TSPOAP1: variants seen among roughly 807,000 people sequenced by gnomAD.
The protein encoded by TSPOAP1 is TSPO associated protein 1.
Under a neutral mutation model 197.0 loss-of-function variants are expected in TSPOAP1, and 87 were observed. The ratio of observed to expected loss-of-function variants is 0.44; its 90% CI spans 0.37 to 0.53. The LOEUF (loss-of-function observed/expected upper bound fraction) is 0.53. Ranked by LOEUF, TSPOAP1 falls within the 20% of genes least tolerant of loss-of-function variation. The probability of loss-of-function intolerance (pLI) is 0.00; values close to 1 mark genes in which losing one functional copy is unlikely to be tolerated. For synonymous variants in TSPOAP1, 913 were observed against 998.9 expected (o/e 0.91, Z 1.62); for missense variants, 2,174 against 2,411.3 (o/e 0.90, Z 2.06).
At chr17:58,306,757 G>T in intron 25 of TSPOAP1, 43 bp downstream of exon 25, 1 of 1,580,882 alleles carries the variant, frequency 6.3e-7, no homozygotes, top group Non-Finnish European at 8.6e-7. Flanking sequence ...GGAGTTGGAA[G>T]GGGGCTGGTG....
Position 58,327,864 on chromosome 17 carries a change from C to A in TSPOAP1, c.57G>T (p.Trp19Cys), listed in dbSNP as rs373348471. The change falls in exon 1 of 32, where the codon TGG becomes TGT. Residue 19 changes from tryptophan to cysteine, a missense_variant. Trp to Cys is a radical substitution (Grantham distance 215). Transcript: ENST00000343736. Reference protein sequence around the residue: ...RPGDPGAMEPWALPTWHSWTP... With the variant: ...RPGDPGAMEPCALPTWHSWTP... ...TCCAGCTATGCCAGGTGGGCAGTGC[C>A]CATGGCTCCATGGCTCCAGGGTCCC... The A allele has an allele frequency of 1.2e-6, 2 of 1,611,332 alleles. No homozygotes were observed. The highest frequency in any genetic ancestry group is 1.7e-5 in the Admixed American group (1 of 59,974).
At chr17:58,313,788 T>C (rs1440321895) in intron 16 of TSPOAP1, among the ~76,000 whole-genome samples, 1 of 151,968 alleles carries the variant, frequency 6.6e-6, no homozygotes, top group Non-Finnish European at 1.5e-5. Flanking sequence ...GCTAGTGAAA[T>C]AGTCACTTGT....
chr17:58,314,133 G>C (rs1042228240), intron 16 of TSPOAP1, among the ~76,000 whole-genome samples: 2 of 152,082 alleles, frequency 1.3e-5, no homozygotes, highest in South Asian at 2.1e-4. Context: ...TGAGCTGCAG[G>C]GGGGCCTGGA....
Position 58,327,742 on chromosome 17 carries a change from C to G in TSPOAP1, c.179G>C (p.Ser60Thr), listed in dbSNP as rs146385838. 6.2e-7 allele frequency: 1 copy of G among 1,614,124 alleles called. No individual in the cohort carries two copies. Among genetic ancestry groups the G allele is most frequent in the African/African-American group, 1.3e-5 (1 of 74,952 alleles). Residue 60 changes from serine (S) to threonine (T), a missense_variant, in exon 1 of 32, where the codon AGT becomes ACT. By Grantham distance (58) the Ser-to-Thr change is moderately conservative. Around this residue, in one of 5 missense-constraint regions of TSPOAP1, gnomAD observed 1,933 missense variants for 2,139.0 expected, o/e 0.90. Transcript: ENST00000343736. ...LQLQELRSEE[S>T]SKPKGDGSSR... Reference sequence around the variant, plus strand: ...GCTCCCGTCTCCTTTGGGCTTGGAACTCTCCTCAGACCTCAGTTCTTGAAG... The same window carrying G: ...GCTCCCGTCTCCTTTGGGCTTGGAAGTCTCCTCAGACCTCAGTTCTTGAAG...
rs770307821 is a variant in TSPOAP1 at position 58,316,411 on chromosome 17, G to A, written c.1988+14C>T. The A allele has an allele frequency of 3.1e-6, 5 of 1,602,958 alleles. No individual in the cohort carries two copies. Among genetic ancestry groups the A allele is most frequent in the Admixed American group, 3.4e-5 (2 of 59,032 alleles). Reference sequence around the variant, plus strand: ...TGGGGCTGGGCTAGGGGGCAGTGAGGGTGAGGGACCCACCTATAACGTGCT... The same window carrying A: ...TGGGGCTGGGCTAGGGGGCAGTGAGAGTGAGGGACCCACCTATAACGTGCT... On this transcript the variant is annotated intron_variant, in intron 15 of 31. Transcript: ENST00000343736.
chr17:58,322,289 T>C lies in TSPOAP1; in HGVS notation c.1422+19A>G. On this transcript the variant is annotated intron_variant, in intron 10 of 31. Transcript: ENST00000343736. This position sits in a 1 kb window ranked among gnomAD's most constrained non-coding sequence, Gnocchi z 5.0. ...GCTGGTGTCCAGCAGCCTGCCAGCTTCCCTCACTGCCGCCCCACCTGCTGC... is the reference window on the plus strand; with the variant it reads ...GCTGGTGTCCAGCAGCCTGCCAGCTCCCCTCACTGCCGCCCCACCTGCTGC... The C allele has an allele frequency of 6.3e-7, 1 of 1,598,768 alleles. No homozygotes were observed. Among genetic ancestry groups the C allele is most frequent in the East Asian group, 2.2e-5 (1 of 44,852 alleles).
intron 14 of TSPOAP1, 133 bp downstream of exon 14, chr17:58,318,147 C>T: frequency 2.7e-6 from 3 of 1,121,456 alleles, no homozygotes; most frequent in Non-Finnish European, 3.8e-6. Flanking sequence ...AATCCACAGG[C>T]CTCCCACCTC....
At chr17:58,325,090 T>A in intron 4 of TSPOAP1, 88 bp from the exon 5 acceptor site, 1 of 1,223,346 alleles carries the variant, frequency 8.2e-7, no homozygotes, top group Non-Finnish European at 1.1e-6. Context: ...TTCGCCTTGC[T>A]GGAGGGGCTC....
Position 58,311,056 on chromosome 17 carries a change from G to C in TSPOAP1, c.3239C>G (p.Pro1080Arg). The C allele has an allele frequency of 1.2e-5, 19 of 1,580,444 alleles. No individual in the cohort carries two copies. The highest frequency in any genetic ancestry group is 1.6e-5 in the Non-Finnish European group (19 of 1,163,442). Residue 1080 changes from proline to arginine, a missense_variant, in exon 19 of 32, where the codon CCG becomes CGG. Transcript: ENST00000343736. ...GGAGACTCGGGCTGGCAGGCTGGCC[G>C]GAGCCAGGGCGGGAGTGATAGGAGC... ...IPAPITPALAPASLPARVSCP... is the reference protein window; with the variant it reads ...IPAPITPALARASLPARVSCP...
intron 16 of TSPOAP1, among the ~76,000 whole-genome samples, chr17:58,312,929 TATAGGACAGTGCTTCTTCA>T (rs1235883769): frequency 6.6e-6 from 1 of 152,262 alleles, no homozygotes; most frequent in Non-Finnish European, 1.5e-5. Flanking sequence ...ATTTTGGTTC[TATAGGACAGTGCTTCTTCA>T]ATTTTAACTT....
intron 11 of TSPOAP1, 89 bp downstream of exon 11, chr17:58,320,442 C>G: frequency 1.4e-6 from 2 of 1,383,352 alleles, no homozygotes; most frequent in Admixed American, 5.7e-5. Context: ...CCCCTCTCCC[C>G]ACCGCCATAG....
chr17:58,320,249 G>A, intron 11 of TSPOAP1, 120 bp from the exon 12 acceptor site: 1 of 1,241,666 alleles, frequency 8.1e-7, no homozygotes, highest in Non-Finnish European at 1.2e-6. Context: ...TCCCTGGACT[G>A]ACTAGCAGTT....
In TSPOAP1 at chr17:58,324,431, G is replaced by C. The variant is rs1010515546; in HGVS notation, c.942+380C>G. On this transcript the variant is annotated intron_variant, in intron 5 of 31. Transcript: ENST00000343736. This position sits in a 1 kb window ranked among gnomAD's most constrained non-coding sequence, Gnocchi z 5.8. ...AGGCCTGGCCAGCCAGGCGGGCGCTGACGGGGGCGTCCCCGCTCTACGGCG... is the reference window on the plus strand; with the variant it reads ...AGGCCTGGCCAGCCAGGCGGGCGCTCACGGGGGCGTCCCCGCTCTACGGCG... Among the ~76,000 whole-genome samples, 34 of 151,976 alleles carry C rather than the reference G, an allele frequency of 2.2e-4. No homozygotes were observed. The highest frequency in any genetic ancestry group is 4.4e-4 in the Non-Finnish European group (30 of 67,944).
intron 16 of TSPOAP1, among the ~76,000 whole-genome samples, chr17:58,314,010 A>C (rs768369570): frequency 6.6e-6 from 1 of 152,220 alleles, no homozygotes; most frequent in Non-Finnish European, 1.5e-5. Context: ...CGGTCAATTT[A>C]AAGAAGAAAA....
At position 58,307,839 on chromosome 17, in the gene TSPOAP1, C is replaced by T. The variant is rs1970950611; in HGVS notation, c.4831+3G>A. ...TCTAGCTCCAGCCCCATCAGGTGCT[C>T]ACCTAGCTCTGCAGTGCTTGGCCTG... On this transcript the variant is annotated splice_donor_region_variant and intron_variant, in intron 23 of 31. Transcript: ENST00000343736. The T allele has an allele frequency of 6.2e-7, 1 of 1,613,760 alleles. No homozygotes were observed. The highest frequency in any genetic ancestry group is 1.3e-5 in the African/African-American group (1 of 74,924).
rs762339703 is a variant in TSPOAP1 at position 58,327,720 on chromosome 17, C to G, written c.201G>C (p.Gly67=). The G allele has an allele frequency of 1.3e-5, 21 of 1,614,178 alleles. No homozygotes were observed. Among genetic ancestry groups the G allele is most frequent in the Non-Finnish European group, 1.8e-5 (21 of 1,180,042 alleles). Residue 67 remains glycine, a synonymous_variant, in exon 1 of 32, where the codon GGG becomes GGC. Transcript: ENST00000343736. The part of the protein sequence containing the change: ...SEESSKPKGD[G]SSRPVGGTDP... ...CAGTTCCCCCCACGGGCCTGGAGCT[C>G]CCGTCTCCTTTGGGCTTGGAACTCT...
intron 7 of TSPOAP1, 52 bp downstream of exon 7, chr17:58,323,246 C>T: frequency 6.2e-7 from 1 of 1,604,156 alleles, no homozygotes; most frequent in South Asian, 1.1e-5. Context: ...CACCACCTGG[C>T]TGGCCGGGGT....
At position 58,302,063 on chromosome 17, in the gene TSPOAP1, G is replaced by A. The variant is rs1434281005; in HGVS notation, c.*417C>T. 5 of 370,138 alleles carry A rather than the reference G, an allele frequency of 1.4e-5. No individual in the cohort carries two copies. Among genetic ancestry groups the A allele is most frequent in the African/African-American group, 2.2e-5 (1 of 45,940 alleles). 22.9% of individuals were successfully genotyped at this position (370,138 alleles called of 1,614,324 possible). A position where few individuals can be genotyped will look rare whatever the true frequency, so the allele number is the denominator to read the frequency against. On this transcript the variant is annotated 3_prime_UTR_variant, in exon 32 of 32. Transcript: ENST00000343736. Reference sequence around the variant, plus strand: ...GTGGGCTCAGTTTCCCCTCCTGTAGGAGGAAGGTGCTTCTCTAGAGAGTTC... The same window carrying A: ...GTGGGCTCAGTTTCCCCTCCTGTAGAAGGAAGGTGCTTCTCTAGAGAGTTC...
chr17:58,311,446 T>C, intron 18 of TSPOAP1, 125 bp downstream of exon 18: 1 of 1,387,810 alleles, frequency 7.2e-7, no homozygotes, highest in Non-Finnish European at 9.7e-7. Flanking sequence ...TCTTAACCCA[T>C]CTGCCTCATG....
Sources: allele counts gnomAD v4.1 joint callset (sites outside exome capture counted in the v4.1 genomes callset), GRCh38; gene constraint gnomAD v4.1.1; regional missense constraint gnomAD v4.1.1; non-coding constraint Gnocchi (gnomAD v3.1); transcripts MANE v1.5; gene names NCBI Gene and HGNC (gene_info 2026-07-23, HGNC 2026-07-21).